Variants in GRIK2 observed in about 807,000 individuals in gnomAD.
GRIK2 encodes glutamate ionotropic receptor kainate type subunit 2, also known as glutamate receptor ionotropic, kainate 2.
A neutral mutation model predicts 100.3 loss-of-function variants in GRIK2; 32 were observed. The ratio of observed to expected loss-of-function variants is 0.32; its 90% confidence interval spans 0.24 to 0.43. The LOEUF (loss-of-function observed/expected upper bound fraction) is 0.43, where lower values mean the gene tolerates loss of function less well. Among genes scored for constraint, GRIK2 ranks in the 20% least tolerant of loss-of-function variants. The probability of loss-of-function intolerance (pLI) is 1.00; values close to 1 mark genes in which losing one functional copy is unlikely to be tolerated. For missense variants in GRIK2, 843 were observed against 1,114.9 expected (o/e 0.76, Z 3.47); for synonymous variants, 417 against 389.4 (o/e 1.07, Z -0.83).
rs3029100 is a variant in GRIK2 at position 101,960,048 on chromosome 6, G to GTTTTTTTT, written c.2085+31420_2085+31421insTTTTTTTT. 1.8e-3 allele frequency among the ~76,000 whole-genome samples: 215 copies of GTTTTTTTT among 118,156 alleles called. 6 individuals are homozygous for GTTTTTTTT. Among genetic ancestry groups the GTTTTTTTT allele is most frequent in the Middle Eastern group, 4.4e-3 (1 of 228 alleles). 77.5% of individuals were successfully genotyped at this position (118,156 alleles called of 152,430 possible). A position where few individuals can be genotyped will look rare whatever the true frequency, so the allele number is the denominator to read the frequency against. On this transcript the variant is annotated intron_variant, in intron 14 of 16. Transcript: ENST00000369134. ...TTATTTCTCAAAGCCTTTTTTTAGT[G>GTTTTTTTT]TTTTGTTTTTTTTTTTTTGTCTGAC... is the stretch of plus-strand genomic sequence containing the variant.
chr6:101,815,444 TC>T (rs1781575415), intron 9 of GRIK2, among the ~76,000 whole-genome samples: 1 of 152,126 alleles, frequency 6.6e-6, no homozygotes, highest in African/African-American at 2.4e-5. Context: ...TCTAATTGAA[TC>T]CTTATAATTA....
At chr6:101,641,469 A>G (rs541049019) in intron 4 of GRIK2, among the ~76,000 whole-genome samples, 5 of 152,164 alleles carry the variant, frequency 3.3e-5, no homozygotes, top group African/African-American at 1.2e-4. Context: ...TTCCAAAAAT[A>G]TGGCTGAAGG....
At chr6:101,598,997 T>G (rs1779063137) in intron 2 of GRIK2, among the ~76,000 whole-genome samples, 1 of 151,604 alleles carries the variant, frequency 6.6e-6, no homozygotes, top group African/African-American at 2.4e-5. Context: ...TTTGGGATAT[T>G]AATGATTTCA....
chr6:101,899,244 A>G (rs1787686937), intron 12 of GRIK2, among the ~76,000 whole-genome samples: 1 of 151,668 alleles, frequency 6.6e-6, no homozygotes, highest in Non-Finnish European at 1.5e-5. Flanking sequence ...AAACTATTCT[A>G]TTAACTTTTA....
intron 2 of GRIK2, among the ~76,000 whole-genome samples, chr6:101,537,855 T>G (rs1050038751): frequency 2.0e-5 from 3 of 151,782 alleles, no homozygotes; most frequent in African/African-American, 7.2e-5. Context: ...TACCTTGCTG[T>G]GAGCAGATAT....
intron 2 of GRIK2, among the ~76,000 whole-genome samples, chr6:101,619,254 G>T (rs902223880): frequency 6.6e-5 from 10 of 150,672 alleles, no homozygotes; most frequent in Admixed American, 2.0e-4. Flanking sequence ...TGTCTTAAAA[G>T]GTTGCGTTAT....
At chr6:101,914,671 A>G (rs1211482400) in intron 12 of GRIK2, among the ~76,000 whole-genome samples, 1 of 151,486 alleles carries the variant, frequency 6.6e-6, no homozygotes, top group Non-Finnish European at 1.5e-5. Flanking sequence ...ACCTTTTGGC[A>G]TAGTGCTAAC....
intron 11 of GRIK2, among the ~76,000 whole-genome samples, chr6:101,865,377 C>T (rs1046986791): frequency 2.0e-5 from 3 of 152,080 alleles, no homozygotes; most frequent in African/African-American, 7.2e-5. Flanking sequence ...GCTTTTGCCT[C>T]CTGATTGCTC....
chr6:102,010,890 T>C (rs1169931312), intron 14 of GRIK2, among the ~76,000 whole-genome samples: 3 of 152,120 alleles, frequency 2.0e-5, no homozygotes, highest in South Asian at 2.1e-4. Flanking sequence ...AAATAGTACT[T>C]ATTCCATTGA....
At chr6:101,573,644 T>C (rs1777658881) in intron 2 of GRIK2, among the ~76,000 whole-genome samples, 1 of 152,208 alleles carries the variant, frequency 6.6e-6, no homozygotes, top group Non-Finnish European at 1.5e-5. Context: ...ATATTTGTGA[T>C]AGATCTATTT....
intron 14 of GRIK2, among the ~76,000 whole-genome samples, chr6:101,994,458 A>G (rs1794545108): frequency 6.6e-6 from 1 of 151,890 alleles, no homozygotes; most frequent in South Asian, 2.1e-4. Flanking sequence ...TATAAAAATT[A>G]TGGTAGAAAT....
chr6:101,933,272 T>A (rs1025241638), intron 14 of GRIK2, among the ~76,000 whole-genome samples: 3 of 151,884 alleles, frequency 2.0e-5, no homozygotes, highest in Admixed American at 6.6e-5. Context: ...ACCTCTAAAT[T>A]CAGCTTGCAA....
chr6:101,989,522 GA>G (rs935858202), intron 14 of GRIK2, among the ~76,000 whole-genome samples: 1 of 140,470 alleles, frequency 7.1e-6, no homozygotes, highest in African/African-American at 2.6e-5. Context: ...TCATTTGTAG[GA>G]AAAAAAGCAA....
At chr6:102,023,956 C>T (rs1443295042) in intron 14 of GRIK2, among the ~76,000 whole-genome samples, 1 of 151,186 alleles carries the variant, frequency 6.6e-6, no homozygotes, top group Non-Finnish European at 1.5e-5. Flanking sequence ...GCGCATGAGG[C>T]TCCAGTGGGA....
At chr6:101,455,487 G>C (rs755798121) in intron 2 of GRIK2, among the ~76,000 whole-genome samples, 1 of 151,866 alleles carries the variant, frequency 6.6e-6, no homozygotes, top group African/African-American at 2.4e-5. Flanking sequence ...CTATCACCCT[G>C]CTTCTAGAAT....
At chr6:101,701,536 A>G (rs1772898695) in intron 7 of GRIK2, among the ~76,000 whole-genome samples, 1 of 152,098 alleles carries the variant, frequency 6.6e-6, no homozygotes, top group Non-Finnish European at 1.5e-5. Flanking sequence ...CTAAATCAAA[A>G]GGAAAAGGGA....
intron 12 of GRIK2, among the ~76,000 whole-genome samples, chr6:101,917,218 A>G (rs1163460849): frequency 2.0e-5 from 3 of 151,576 alleles, no homozygotes; most frequent in African/African-American, 7.3e-5. Context: ...TCTAGATCCA[A>G]TTTCTAAAAA....
At position 101,746,418 on chromosome 6, in the gene GRIK2, C is replaced by T. The variant is rs138977017; in HGVS notation, c.952-53230C>T. On this transcript the variant is annotated intron_variant, in intron 7 of 16. Coordinates refer to ENST00000369134, the MANE Select transcript of GRIK2 (RefSeq NM_021956.5). ...CTCGGCTCACTGCAACCTCTGCCTCCTGGGTTCAATTGATTCTTCTGCCTC... is the reference window on the plus strand; with the variant it reads ...CTCGGCTCACTGCAACCTCTGCCTCTTGGGTTCAATTGATTCTTCTGCCTC... Among the ~76,000 whole-genome samples, 34 of 152,236 alleles carry T rather than the reference C, an allele frequency of 2.2e-4. 1 individual carries two copies. The East Asian group carries it at 6.6e-3, about 29-fold the overall frequency.
chr6:101,819,938 T>C (rs974816702), intron 10 of GRIK2, among the ~76,000 whole-genome samples: 6 of 152,202 alleles, frequency 3.9e-5, no homozygotes, highest in African/African-American at 1.2e-4. Context: ...AGAATCCTTA[T>C]TGACCATTAA....
Sources: gnomAD v4.1 joint callset for allele counts (sites outside exome capture counted in the v4.1 genomes callset) on GRCh38, gnomAD v4.1.1 for gene constraint, MANE v1.5 for transcripts, NCBI Gene and HGNC (gene_info 2026-07-23, HGNC 2026-07-21) for gene names.